NRG3: variants seen among roughly 807,000 people sequenced by gnomAD.
NRG3 encodes neuregulin 3.
In NRG3, 31 loss-of-function variants were observed where a neutral mutation model predicts 66.9. The ratio of observed to expected loss-of-function variants is 0.46; its 90% CI spans 0.35 to 0.63. NRG3 has a LOEUF of 0.63. Among genes scored for constraint, NRG3 ranks in the 20% least tolerant of loss-of-function variants. NRG3 has a pLI of 0.00. For missense variants in NRG3, 910 were observed against 878.9 expected (o/e 1.04, Z -0.45); for synonymous variants, 393 against 359.4 (o/e 1.09, Z -1.06).
At chr10:82,045,970 G>A (rs2133067710) in intron 1 of NRG3, among the ~76,000 whole-genome samples, 1 of 151,274 alleles carries the variant, frequency 6.6e-6, no homozygotes, top group African/African-American at 2.4e-5. Context: ...GGTTACTGTA[G>A]TCTTGTAGTA....
intron 2 of NRG3, among the ~76,000 whole-genome samples, chr10:82,569,297 C>T (rs968765118): frequency 1.3e-5 from 2 of 151,632 alleles, no homozygotes; most frequent in Non-Finnish European, 3.0e-5. Flanking sequence ...TATTTTAAAA[C>T]TTCTGGATTT....
chr10:82,362,548 G>GTCTTTTTTTTTT (rs2084239138), intron 2 of NRG3, among the ~76,000 whole-genome samples: 1 of 83,186 alleles, frequency 1.2e-5, no homozygotes, highest in African/African-American at 5.0e-5. Flanking sequence ...TAATTTCTGG[G>GTCTTTTTTTTTT]TTTTTTTTTT....
intron 1 of NRG3, among the ~76,000 whole-genome samples, chr10:82,294,005 T>C (rs1252969972): frequency 6.6e-6 from 1 of 152,134 alleles, no homozygotes; most frequent in Non-Finnish European, 1.5e-5. Context: ...TTTGCTACTC[T>C]GGTTTTTGGC....
At chr10:82,217,008 T>C (rs1468876711) in intron 1 of NRG3, among the ~76,000 whole-genome samples, 3 of 152,222 alleles carry the variant, frequency 2.0e-5, no homozygotes, top group Non-Finnish European at 4.4e-5. Context: ...CAAATCCTGT[T>C]GCTCACTTGG....
intron 1 of NRG3, among the ~76,000 whole-genome samples, chr10:82,201,650 T>A (rs977161430): frequency 1.3e-5 from 2 of 151,730 alleles, no homozygotes; most frequent in African/African-American, 4.8e-5. Context: ...GTAAAGGGGG[T>A]ATCTTTGCAC....
In NRG3 at chr10:82,328,191, C is replaced by T. The variant is rs192104411; in HGVS notation, c.824-30548C>T. Among the ~76,000 whole-genome samples, 890 of 152,188 alleles carry T rather than the reference C, an allele frequency of 5.8e-3. 10 individuals are homozygous for T. The highest frequency in any genetic ancestry group is 0.017 in the African/African-American group (700 of 41,518). On this transcript the variant is annotated intron_variant, in intron 1 of 8. Coordinates refer to ENST00000372141, the MANE Select transcript of NRG3 (RefSeq NM_001010848.4). ...TATTGCAGAAGCCAACACTCTGGCT[C>T]AGAGGTTTATGGAAAGAACATTTGC...
chr10:82,467,915 A>ATG lies in NRG3; in HGVS notation c.953+109061_953+109062dup, dbSNP rs749285969. Among the ~76,000 whole-genome samples, 117 of 147,162 alleles carry ATG rather than the reference A, an allele frequency of 8.0e-4. 1 individual carries two copies. In the East Asian group the frequency reaches 0.012, roughly 15 times the overall value. On this transcript the variant is annotated intron_variant, in intron 2 of 8. Coordinates refer to ENST00000372141, the MANE Select transcript of NRG3 (RefSeq NM_001010848.4). ...CCATATTCATGTTGTGTGTGTGTGT[A>ATG]TGTGTGTGTGTGTGTATTTTGAAGG...
At chr10:82,407,038 T>G (rs2136107318) in intron 2 of NRG3, among the ~76,000 whole-genome samples, 1 of 151,806 alleles carries the variant, frequency 6.6e-6, no homozygotes, top group Non-Finnish European at 1.5e-5. Flanking sequence ...TAAATAACCT[T>G]TTGTAAGAAC....
chr10:82,040,773 C>A (rs1039384460), intron 1 of NRG3, among the ~76,000 whole-genome samples: 3 of 152,002 alleles, frequency 2.0e-5, no homozygotes, highest in Non-Finnish European at 2.9e-5. Flanking sequence ...CTGCTGCTGT[C>A]AGAAAAAGAA....
chr10:82,297,675 A>G (rs1221748466), intron 1 of NRG3, among the ~76,000 whole-genome samples: 1 of 152,182 alleles, frequency 6.6e-6, no homozygotes, highest in Non-Finnish European at 1.5e-5. Flanking sequence ...GAGATGGATC[A>G]TAATGTATAA....
intron 1 of NRG3, among the ~76,000 whole-genome samples, chr10:82,181,095 G>A (rs1240199023): frequency 1.3e-5 from 2 of 151,298 alleles, no homozygotes; most frequent in Non-Finnish European, 3.0e-5. Context: ...TATTTCTGTG[G>A]CATCAATGTC....
intron 3 of NRG3, among the ~76,000 whole-genome samples, chr10:82,792,118 C>A (rs1394462411): frequency 4.6e-5 from 7 of 152,160 alleles, no homozygotes; most frequent in Admixed American, 4.6e-4. Context: ...TAGATTGTTA[C>A]AAGCCTTTGG....
chr10:82,768,103 C>T (rs1199447118), intron 3 of NRG3, among the ~76,000 whole-genome samples: 1 of 152,126 alleles, frequency 6.6e-6, no homozygotes, highest in East Asian at 1.9e-4. Context: ...TTTCTAAAGG[C>T]GGATGCCTGA....
chr10:82,689,176 C>A (rs1290986250), intron 2 of NRG3, among the ~76,000 whole-genome samples: 1 of 152,108 alleles, frequency 6.6e-6, no homozygotes, highest in Admixed American at 6.5e-5. Flanking sequence ...CACCCTAATA[C>A]TTACAGCTTG....
At chr10:81,981,133 G>A (rs927424791) in intron 1 of NRG3, among the ~76,000 whole-genome samples, 2 of 152,058 alleles carry the variant, frequency 1.3e-5, no homozygotes, top group African/African-American at 4.8e-5. Context: ...AATCTTTACC[G>A]ATTTCAGCAT....
intron 2 of NRG3, among the ~76,000 whole-genome samples, chr10:82,615,502 C>A (rs1329289352): frequency 6.6e-6 from 1 of 152,022 alleles, no homozygotes; most frequent in East Asian, 1.9e-4. Context: ...GCCATTTCTA[C>A]AAATAAACAA....
intron 2 of NRG3, among the ~76,000 whole-genome samples, chr10:82,726,976 T>C (rs2134590365): frequency 6.6e-6 from 1 of 152,222 alleles, no homozygotes; most frequent in Non-Finnish European, 1.5e-5. Context: ...ACTGGTGGCA[T>C]TTTTCCCCTT....
intron 2 of NRG3, among the ~76,000 whole-genome samples, chr10:82,621,589 T>C (rs996759636): frequency 2.0e-5 from 3 of 152,196 alleles, no homozygotes; most frequent in Admixed American, 6.5e-5. Flanking sequence ...AAAAGTACTT[T>C]CTCAATGTCT....
intron 2 of NRG3, among the ~76,000 whole-genome samples, chr10:82,714,202 T>C (rs957799251): frequency 2.0e-5 from 3 of 152,220 alleles, no homozygotes; most frequent in African/African-American, 7.2e-5. Flanking sequence ...AATTAACATA[T>C]GTATTTCTTC....
Sources: gnomAD v4.1 joint callset for allele counts (sites outside exome capture counted in the v4.1 genomes callset) on GRCh38, gnomAD v4.1.1 for gene constraint, MANE v1.5 for transcripts, NCBI Gene and HGNC (gene_info 2026-07-23, HGNC 2026-07-21) for gene names.